The following KIAA1671 variants were observed in gnomAD, a reference collection of about 807,000 sequenced individuals.
The protein encoded by KIAA1671 is uncharacterized protein KIAA1671.
A neutral mutation model predicts 131.2 loss-of-function variants in KIAA1671; 52 were observed. The ratio of observed to expected loss-of-function variants is 0.40; its 90% CI spans 0.32 to 0.50. KIAA1671 has a LOEUF of 0.50. Ranked by LOEUF, KIAA1671 falls within the 20% of genes least tolerant of loss-of-function variation. The pLI is 0.73. For missense variants in KIAA1671, 2,360 were observed against 2,364.2 expected (o/e 1.00, Z 0.04); for synonymous variants, 1,003 against 961.6 (o/e 1.04, Z -0.80).
chr22:25,164,373 G>A (rs1411751427), intron 6 of KIAA1671, among the ~76,000 whole-genome samples: 1 of 152,182 alleles, frequency 6.6e-6, no homozygotes, highest in African/African-American at 2.4e-5. Flanking sequence ...AGGGCCGACT[G>A]AATGGACTCA....
chr22:25,086,177 C>T (rs1929712257), intron 6 of KIAA1671, among the ~76,000 whole-genome samples: 2 of 152,196 alleles, frequency 1.3e-5, no homozygotes, highest in South Asian at 4.1e-4. Flanking sequence ...TGAAAGAAAA[C>T]AATGAATGCG....
intron 1 of KIAA1671, among the ~76,000 whole-genome samples, chr22:24,981,512 G>A (rs1285027704): frequency 6.6e-6 from 1 of 152,164 alleles, no homozygotes; most frequent in Non-Finnish European, 1.5e-5. Context: ...GGATGCTCAG[G>A]AGAAACTCCC....
intron 6 of KIAA1671, among the ~76,000 whole-genome samples, chr22:25,086,657 C>G (rs1929736637): frequency 1.3e-5 from 2 of 152,190 alleles, no homozygotes; most frequent in Non-Finnish European, 2.9e-5. Flanking sequence ...ATCCACCCAA[C>G]CCCACTGCAG....
At position 25,141,098 on chromosome 22, in the gene KIAA1671, T is replaced by G. The variant is rs140752408; in HGVS notation, c.4531-29722T>G. Among the ~76,000 whole-genome samples the G allele has an allele frequency of 1.2e-4, 19 of 152,288 alleles. 1 individual carries two copies. The East Asian group carries it at 3.7e-3, about 29-fold the overall frequency. ...CTGGGAGAACCAGACGTTAAACATG[T>G]AATCACCCTGCCAAATTACCCCTAT... On this transcript the variant is annotated intron_variant, in intron 6 of 12. Coordinates refer to ENST00000358431, the MANE Select transcript of KIAA1671 (RefSeq NM_001145206.2).
chr22:25,100,465 A>T (rs1162733966), intron 6 of KIAA1671, among the ~76,000 whole-genome samples: 1 of 152,202 alleles, frequency 6.6e-6, no homozygotes, highest in African/African-American at 2.4e-5. Context: ...CCCATAATCC[A>T]GCTGACACAA....
chr22:25,164,628 G>C (rs1933575332), intron 6 of KIAA1671, among the ~76,000 whole-genome samples: 1 of 152,150 alleles, frequency 6.6e-6, no homozygotes, highest in Admixed American at 6.5e-5. Context: ...CTGCCTTAAA[G>C]CTAATAAAAC....
At chr22:24,966,932 G>T (rs1217504194) in intron 1 of KIAA1671, among the ~76,000 whole-genome samples, 1 of 152,144 alleles carries the variant, frequency 6.6e-6, no homozygotes. Flanking sequence ...CTCCAGCCTG[G>T]GTGACAGAGC....
chr22:25,189,048 A>G (rs1346986779), intron 11 of KIAA1671, among the ~76,000 whole-genome samples: 1 of 151,738 alleles, frequency 6.6e-6, no homozygotes. Context: ...TCTGCAGAGT[A>G]GACCAGCAGG....
intron 1 of KIAA1671, among the ~76,000 whole-genome samples, chr22:24,987,572 CCTT>C (rs1159235906): frequency 6.6e-6 from 1 of 152,102 alleles, no homozygotes; most frequent in East Asian, 1.9e-4. Flanking sequence ...GCTCAAGTGA[CCTT>C]CTTTCCTGCC....
intron 6 of KIAA1671, among the ~76,000 whole-genome samples, chr22:25,169,268 A>G (rs1933759125): frequency 6.6e-6 from 1 of 152,024 alleles, no homozygotes; most frequent in Non-Finnish European, 1.5e-5. Flanking sequence ...AAATTTTTTT[A>G]AATAGCTGGG....
Position 25,036,453 on chromosome 22 carries a change from A to G in KIAA1671, c.1630-2307A>G, listed in dbSNP as rs766605988. Among the ~76,000 whole-genome samples, 1,079 of 152,312 alleles carry G rather than the reference A, an allele frequency of 7.1e-3. 8 individuals are homozygous for G. The highest frequency in any genetic ancestry group is 0.012 in the Non-Finnish European group (797 of 68,034). ...TCATTTTAACTATTTTTAAAGAAAA[A>G]TAATGAATTTGTGAAATTTACAAAA... On this transcript the variant is annotated intron_variant, in intron 4 of 12. Coordinates refer to ENST00000358431, the MANE Select transcript of KIAA1671 (RefSeq NM_001145206.2).
chr22:25,075,937 G>A (rs561570802), intron 6 of KIAA1671, among the ~76,000 whole-genome samples: 31 of 151,346 alleles, frequency 2.0e-4, no homozygotes, highest in Non-Finnish European at 3.1e-4. Flanking sequence ...CACCATGCCC[G>A]GCTAATTTTT....
intron 5 of KIAA1671, among the ~76,000 whole-genome samples, chr22:25,047,005 CTG>C (rs1295819341): frequency 1.4e-5 from 2 of 147,318 alleles, no homozygotes; most frequent in Admixed American, 1.4e-4. Flanking sequence ...GCGTCTCACT[CTG>C]TCACTCAGGC....
intron 6 of KIAA1671, among the ~76,000 whole-genome samples, chr22:25,141,257 G>A (rs1284214395): frequency 6.6e-6 from 1 of 151,704 alleles, no homozygotes; most frequent in East Asian, 1.9e-4. Flanking sequence ...TTTTGAGACA[G>A]AGTCTCACTC....
intron 1 of KIAA1671, among the ~76,000 whole-genome samples, chr22:24,967,263 C>T (rs1395393240): frequency 6.6e-6 from 1 of 152,136 alleles, no homozygotes; most frequent in Non-Finnish European, 1.5e-5. Context: ...GTCAAATCCT[C>T]GGAATGACTC....
chr22:25,182,262 T>C (rs1179172927), intron 10 of KIAA1671, among the ~76,000 whole-genome samples: 1 of 151,764 alleles, frequency 6.6e-6, no homozygotes, highest in East Asian at 1.9e-4. Flanking sequence ...TCCTTCCTTT[T>C]GTCCCTTCTT....
intron 1 of KIAA1671, among the ~76,000 whole-genome samples, chr22:25,008,299 C>T (rs751510994): frequency 6.6e-6 from 1 of 151,944 alleles, no homozygotes; most frequent in South Asian, 2.1e-4. Context: ...CCAGGCCAGG[C>T]CAAGCCCCAG....
Position 25,039,246 on chromosome 22 carries a change from C to A in KIAA1671, c.2116C>A (p.Pro706Thr). The A allele has an allele frequency of 6.4e-7, 1 of 1,552,306 alleles. No homozygotes were observed. The highest frequency in any genetic ancestry group is 2.4e-5 in the East Asian group (1 of 40,922). Residue 706 changes from proline (P) to threonine (T), a missense_variant, in exon 5 of 13, where the codon CCT (proline) becomes ACT (threonine). Around this residue, in one of 3 missense-constraint regions of KIAA1671, gnomAD observed 1,185 missense variants for 1,126.2 expected, o/e 1.05. Coordinates refer to ENST00000358431, the MANE Select transcript of KIAA1671 (RefSeq NM_001145206.2). ...PYHTPLRDKY[P>T]LSENHNNNTF... ...TCACACGCCTCTCCGGGACAAATAC[C>A]CTTTGTCTGAAAACCACAATAATAA...
intron 1 of KIAA1671, among the ~76,000 whole-genome samples, chr22:25,018,290 C>T (rs1245470046): frequency 5.9e-5 from 9 of 151,984 alleles, no homozygotes; most frequent in Non-Finnish European, 1.3e-4. Flanking sequence ...AATAGAGATT[C>T]GCCTGAAGGG....
Sources: allele counts gnomAD v4.1 joint callset (sites outside exome capture counted in the v4.1 genomes callset), GRCh38; gene constraint gnomAD v4.1.1; regional missense constraint gnomAD v4.1.1; transcripts MANE v1.5; gene names NCBI Gene and HGNC (gene_info 2026-07-23, HGNC 2026-07-21).